The following EPHA3 variants were observed in gnomAD, a reference collection of about 807,000 sequenced individuals.
EPHA3 encodes EPH receptor A3, also known as ephrin type-A receptor 3.
Under a neutral mutation model 107.1 loss-of-function variants are expected in EPHA3, and 42 were observed. The ratio of observed to expected loss-of-function variants is 0.39; its 90% CI spans 0.31 to 0.51. EPHA3 has a LOEUF of 0.51. EPHA3 is among the 20% of genes least tolerant of loss of function. EPHA3 has a pLI of 0.78. For synonymous variants in EPHA3, 461 were observed against 424.8 expected (o/e 1.09, Z -1.05); for missense variants, 1,183 against 1,211.2 (o/e 0.98, Z 0.35).
chr3:89,177,306 GGT>G (rs1384125700), intron 2 of EPHA3, among the ~76,000 whole-genome samples: 1 of 152,106 alleles, frequency 6.6e-6, no homozygotes, highest in Non-Finnish European at 1.5e-5. Flanking sequence ...TGCATGCCTT[GGT>G]GTGCACTGAC....
At chr3:89,375,262 A>G (rs1708381220) in intron 5 of EPHA3, among the ~76,000 whole-genome samples, 2 of 151,844 alleles carry the variant, frequency 1.3e-5, no homozygotes, top group African/African-American at 4.8e-5. Context: ...GCTGTCACCA[A>G]TATTCCTAAG....
rs1233875810 is a variant in EPHA3, at chr3:89,479,845, A to G, written c.*343A>G. On this transcript the variant is annotated 3_prime_UTR_variant, in exon 17 of 17. Transcript: ENST00000336596. Reference sequence around the variant, plus strand: ...AAACAAGTGAAATAACAAAATGGACATGGTGGCTTTGTTTAGGTAGAGCCA... The same window carrying G: ...AAACAAGTGAAATAACAAAATGGACGTGGTGGCTTTGTTTAGGTAGAGCCA... The G allele has an allele frequency of 7.8e-6, 2 of 255,032 alleles. No homozygotes were observed. Among genetic ancestry groups the G allele is most frequent in the Admixed American group, 5.2e-5 (1 of 19,228 alleles). 15.8% of individuals were successfully genotyped at this position (255,032 alleles called of 1,614,324 possible).
intron 2 of EPHA3, among the ~76,000 whole-genome samples, chr3:89,145,616 A>G (rs759243376): frequency 6.6e-6 from 1 of 151,772 alleles, no homozygotes; most frequent in Non-Finnish European, 1.5e-5. Context: ...AATGAGTCAA[A>G]TTTTTTAAAA....
At chr3:89,428,469 C>T (rs1381691852) in intron 11 of EPHA3, among the ~76,000 whole-genome samples, 1 of 152,076 alleles carries the variant, frequency 6.6e-6, no homozygotes, top group Non-Finnish European at 1.5e-5. Context: ...TTACAAGTTA[C>T]TGCCAATAGC....
chr3:89,352,446 C>T lies in EPHA3; in HGVS notation c.1306+10356C>T, dbSNP rs149120231. ...CTATGGACTCACTTACTATAAAAAA[C>T]GTTTATAGGCTTTCTCGTTCATGGT... On this transcript the variant is annotated intron_variant, in intron 5 of 16. Coordinates refer to ENST00000336596, the MANE Select transcript of EPHA3 (RefSeq NM_005233.6). Among the ~76,000 whole-genome samples, 23 of 151,296 alleles carry T rather than the reference C, an allele frequency of 1.5e-4. No individual in the cohort carries two copies. In the East Asian group the frequency reaches 2.3e-3, roughly 15 times the overall value.
intron 1 of EPHA3, among the ~76,000 whole-genome samples, chr3:89,125,208 C>T (rs962345914): frequency 2.0e-5 from 3 of 151,782 alleles, no homozygotes; most frequent in African/African-American, 7.2e-5. Context: ...ATACATTAAG[C>T]CATTTAAACC....
intron 2 of EPHA3, among the ~76,000 whole-genome samples, chr3:89,138,282 T>C (rs1305819406): frequency 6.6e-6 from 1 of 151,952 alleles, no homozygotes; most frequent in Non-Finnish European, 1.5e-5. Flanking sequence ...TATTTCCAAG[T>C]CATCAAATTT....
chr3:89,162,291 A>G (rs1704965747), intron 2 of EPHA3, among the ~76,000 whole-genome samples: 1 of 152,184 alleles, frequency 6.6e-6, no homozygotes, highest in South Asian at 2.1e-4. Context: ...AAATACAGGA[A>G]CATGCCATAC....
intron 3 of EPHA3, among the ~76,000 whole-genome samples, chr3:89,286,972 C>A (rs1706101952): frequency 6.6e-6 from 1 of 152,048 alleles, no homozygotes; most frequent in Non-Finnish European, 1.5e-5. Flanking sequence ...CACTTTATAT[C>A]ATCTTTTTGC....
chr3:89,442,274 AC>A (rs1407153240), intron 13 of EPHA3, among the ~76,000 whole-genome samples: 3 of 152,224 alleles, frequency 2.0e-5, no homozygotes, highest in African/African-American at 7.2e-5. Flanking sequence ...GGTGAACTTG[AC>A]CCCTGTTTTT....
intron 3 of EPHA3, among the ~76,000 whole-genome samples, chr3:89,295,169 T>A (rs1048411853): frequency 9.1e-6 from 1 of 110,348 alleles, no homozygotes; most frequent in African/African-American, 4.4e-5. Flanking sequence ...CCAGTGCATA[T>A]GAAGGTTATG....
chr3:89,192,808 C>T (rs1488411561), intron 2 of EPHA3, among the ~76,000 whole-genome samples: 1 of 151,890 alleles, frequency 6.6e-6, no homozygotes, highest in Non-Finnish European at 1.5e-5. Flanking sequence ...TAATATTAGG[C>T]AAATAAAATA....
At chr3:89,466,636 C>A (rs1391269690) in intron 15 of EPHA3, among the ~76,000 whole-genome samples, 4 of 128,672 alleles carry the variant, frequency 3.1e-5, no homozygotes, top group Admixed American at 3.1e-4. Context: ...GGAAAGGGAA[C>A]TCCCTGACCC....
At position 89,143,688 on chromosome 3, in the gene EPHA3, CTG is replaced by C. The variant is rs531128302; in HGVS notation, c.153+16418_153+16419del. Among the ~76,000 whole-genome samples the C allele has an allele frequency of 4.6e-4, 70 of 151,660 alleles. No homozygotes were observed. The South Asian group carries it at 0.014, about 30-fold the overall frequency. On this transcript the variant is annotated intron_variant, in intron 2 of 16. Transcript: ENST00000336596. Reference sequence around the variant, plus strand: ...TCTCATAATGTTAAATCTTACATAACTGTGGTACACTATCAAAGCTAAGAATT... The same window carrying C: ...TCTCATAATGTTAAATCTTACATAACTGGTACACTATCAAAGCTAAGAATT...
chr3:89,126,238 C>T (rs1412567404), intron 1 of EPHA3, among the ~76,000 whole-genome samples: 1 of 151,654 alleles, frequency 6.6e-6, no homozygotes, highest in Non-Finnish European at 1.5e-5. Flanking sequence ...CCTTCACATC[C>T]TCCATTAGTC....
intron 3 of EPHA3, among the ~76,000 whole-genome samples, chr3:89,212,832 C>T (rs1449136951): frequency 6.6e-6 from 1 of 151,988 alleles, no homozygotes; most frequent in Non-Finnish European, 1.5e-5. Flanking sequence ...TTTATCTCTG[C>T]ACATTCATTG....
chr3:89,270,696 A>G (rs1436447395), intron 3 of EPHA3, among the ~76,000 whole-genome samples: 1 of 152,000 alleles, frequency 6.6e-6, no homozygotes, highest in African/African-American at 2.4e-5. Context: ...ACTTGCAAAT[A>G]TTATTTCTTC....
chr3:89,369,912 A>G (rs1211027613), intron 5 of EPHA3, among the ~76,000 whole-genome samples: 1 of 150,850 alleles, frequency 6.6e-6, no homozygotes, highest in Non-Finnish European at 1.5e-5. Context: ...AAAAATGCTC[A>G]CCATCACTGG....
chr3:89,349,764 C>T (rs1167718725), intron 5 of EPHA3, among the ~76,000 whole-genome samples: 2 of 150,634 alleles, frequency 1.3e-5, no homozygotes, highest in African/African-American at 4.9e-5. Flanking sequence ...CCAGTTGTTC[C>T]TTTCCATGTT....
Sources: allele counts gnomAD v4.1 joint callset (sites outside exome capture counted in the v4.1 genomes callset), GRCh38; gene constraint gnomAD v4.1.1; transcripts MANE v1.5; gene names NCBI Gene and HGNC (gene_info 2026-07-23, HGNC 2026-07-21).